The following AXDND1 variants were observed in gnomAD, a reference collection of about 807,000 sequenced individuals.
AXDND1 encodes axonemal dynein light chain domain containing 1, also known as axonemal dynein light chain domain-containing protein 1.
A neutral mutation model predicts 137.5 loss-of-function variants in AXDND1; 110 were observed. That is an observed-to-expected ratio of 0.80 (90% CI 0.69 to 0.94). The LOEUF (loss-of-function observed/expected upper bound fraction) is 0.94, where lower values mean the gene tolerates loss of function less well. AXDND1 is among the 40% of genes least tolerant of loss of function. AXDND1 has a pLI of 0.00. For synonymous variants in AXDND1, 414 were observed against 399.7 expected, an observed-to-expected ratio of 1.04 and a Z score of -0.43; for missense variants, 1,191 against 1,169.8, an observed-to-expected ratio of 1.02 and a Z score of -0.26.
At chr1:179,535,656 C>A (rs1671479557) in intron 25 of AXDND1, among the ~76,000 whole-genome samples, 1 of 152,240 alleles carries the variant, frequency 6.6e-6, no homozygotes. Context: ...CAAGTTTTTG[C>A]TATTGTGAAT....
intron 12 of AXDND1, among the ~76,000 whole-genome samples, chr1:179,417,599 C>T (rs1401301014): frequency 2.0e-5 from 3 of 151,796 alleles, no homozygotes; most frequent in Non-Finnish European, 4.4e-5. Flanking sequence ...ATTACCATGC[C>T]GATTTGTTTA....
intron 15 of AXDND1, among the ~76,000 whole-genome samples, chr1:179,439,439 A>G (rs1288546967): frequency 6.6e-6 from 1 of 152,078 alleles, no homozygotes; most frequent in Non-Finnish European, 1.5e-5. Context: ...TGAGAATCTA[A>G]CTGTTCTATG....
In AXDND1 at chr1:179,445,202, A is replaced by G. The variant is rs761186467; in HGVS notation, c.1796A>G (p.Asn599Ser). 38 of 1,533,280 alleles carry G rather than the reference A, an allele frequency of 2.5e-5. No homozygotes were observed. The highest frequency in any genetic ancestry group is 3.3e-5 in the Non-Finnish European group (37 of 1,125,416). 95.0% of individuals were successfully genotyped at this position (1,533,280 alleles called of 1,614,324 possible). Residue 599 changes from asparagine to serine, a missense_variant and splice_region_variant, in exon 16 of 26, where the codon AAT (asparagine) becomes AGT (serine). Coordinates refer to ENST00000367618, the MANE Select transcript of AXDND1 (RefSeq NM_144696.6). ...KEYEIRINGD[N>S]GYSKILPSLI... ...TATGAAATAAGAATAAATGGGGACA[A>G]TGGTAAGAAAATACTCATAATAATT... is the stretch of plus-strand genomic sequence containing the variant.
chr1:179,475,677 T>A (rs1415701947), intron 17 of AXDND1, among the ~76,000 whole-genome samples: 2 of 151,970 alleles, frequency 1.3e-5, no homozygotes, highest in Non-Finnish European at 2.9e-5. Flanking sequence ...CTTGCTCAGA[T>A]GAGATGTTGC....
chr1:179,459,722 CTTTCCTTCCTTCCTTT>C (rs66964912), intron 16 of AXDND1, among the ~76,000 whole-genome samples: 22,641 of 141,578 alleles, frequency 0.16, 2,034 homozygotes, highest in East Asian at 0.34. Context: ...CTTTTTCTTT[CTTTCCTTCCTTCCTTT>C]TTTCCTTCCT....
intron 17 of AXDND1, among the ~76,000 whole-genome samples, chr1:179,469,074 C>G (rs551886887): frequency 6.6e-6 from 1 of 151,980 alleles, no homozygotes; most frequent in Non-Finnish European, 1.5e-5. Flanking sequence ...GGACTACAGG[C>G]GCCTGCCACC....
intron 21 of AXDND1, among the ~76,000 whole-genome samples, chr1:179,520,580 T>C (rs1428799243): frequency 2.6e-5 from 4 of 152,114 alleles, no homozygotes; most frequent in Admixed American, 2.0e-4. Context: ...CCTGGCTATT[T>C]TTCTATATAA....
chr1:179,385,122 GAAAT>G (rs1364691272), intron 8 of AXDND1, 112 bp from the exon 9 acceptor site: 5 of 877,504 alleles, frequency 5.7e-6, no homozygotes, highest in Non-Finnish European at 8.7e-6. Flanking sequence ...AAATGTAAGT[GAAAT>G]AAATTAATCA....
chr1:179,552,605 G>C (rs74315348), intron 25 of AXDND1: 2 of 1,612,920 alleles, frequency 1.2e-6, no homozygotes, highest in Non-Finnish European at 1.7e-6. Context: ...GTGCTCACCC[G>C]CACTTTGGCT....
chr1:179,510,434 T>C (rs952014949), intron 21 of AXDND1, among the ~76,000 whole-genome samples: 1 of 128,116 alleles, frequency 7.8e-6, no homozygotes, highest in African/African-American at 2.8e-5. Flanking sequence ...AGGTTCTATC[T>C]ACACATTTAT....
chr1:179,531,271 A>G (rs1309107524), intron 23 of AXDND1, among the ~76,000 whole-genome samples: 1 of 152,180 alleles, frequency 6.6e-6, no homozygotes, highest in Non-Finnish European at 1.5e-5. Flanking sequence ...AGGTTCTACA[A>G]TAATGATGTT....
chr1:179,394,250 G>C (rs541531829), intron 10 of AXDND1, among the ~76,000 whole-genome samples: 3 of 152,232 alleles, frequency 2.0e-5, no homozygotes, highest in African/African-American at 4.8e-5. Context: ...TAAAAATGAA[G>C]ACTCTGTATA....
rs544377950 is a variant in AXDND1, at chr1:179,445,036, A to G, written c.1630A>G (p.Ile544Val). The G allele has an allele frequency of 1.4e-5, 23 of 1,613,462 alleles. No individual in the cohort carries two copies. In the East Asian group the frequency reaches 5.1e-4, roughly 36 times the overall value. Residue 544 changes from isoleucine (I) to valine (V), a missense_variant, in exon 16 of 26, where the codon ATT becomes GTT. By Grantham distance (29) the Ile-to-Val change is conservative. Coordinates refer to ENST00000367618, the MANE Select transcript of AXDND1 (RefSeq NM_144696.6). ...VLLSKYDTLK[I>V]IKHLQENWAD... is the part of the protein sequence containing the mutation. ...ACTGTCAAAATACGATACTCTCAAG[A>G]TTATTAAACATTTACAGGAAAACTG... is the stretch of plus-strand genomic sequence containing the variant.
chr1:179,427,641 T>C (rs911124717), intron 12 of AXDND1, among the ~76,000 whole-genome samples: 1 of 152,162 alleles, frequency 6.6e-6, no homozygotes, highest in Non-Finnish European at 1.5e-5. Flanking sequence ...TACCATGATA[T>C]TATTTTTAAA....
intron 12 of AXDND1, among the ~76,000 whole-genome samples, chr1:179,426,420 A>T (rs1423531507): frequency 6.6e-6 from 1 of 152,216 alleles, no homozygotes; most frequent in Non-Finnish European, 1.5e-5. Context: ...GAATAATTAG[A>T]TAACATTTTT....
At chr1:179,499,601 T>A (rs1306258953) in intron 20 of AXDND1, among the ~76,000 whole-genome samples, 1 of 152,100 alleles carries the variant, frequency 6.6e-6, no homozygotes, top group Non-Finnish European at 1.5e-5. Context: ...CTAAAAACCA[T>A]TGAATTATAC....
chr1:179,501,601 A>G (rs2125613454), intron 20 of AXDND1, among the ~76,000 whole-genome samples: 1 of 152,252 alleles, frequency 6.6e-6, no homozygotes, highest in East Asian at 1.9e-4. Context: ...AGTTCCAGCT[A>G]CTGGGGAGGG....
chr1:179,485,146 C>A (rs1250277221), intron 18 of AXDND1, among the ~76,000 whole-genome samples: 1 of 152,222 alleles, frequency 6.6e-6, no homozygotes, highest in Non-Finnish European at 1.5e-5. Flanking sequence ...CTGCAAATGT[C>A]CACATCCCTG....
intron 25 of AXDND1, chr1:179,552,731 G>C: frequency 2.1e-6 from 3 of 1,427,302 alleles, no homozygotes; most frequent in Non-Finnish European, 3.0e-6. Context: ...TGATTTAGGG[G>C]CCAAAGCTTT....
Sources: gnomAD v4.1 joint callset for allele counts (sites outside exome capture counted in the v4.1 genomes callset) on GRCh38, gnomAD v4.1.1 for gene constraint, MANE v1.5 for transcripts, NCBI Gene and HGNC (gene_info 2026-07-23, HGNC 2026-07-21) for gene names.